The following VPS13B variants were observed in gnomAD, a reference collection of about 807,000 sequenced individuals.
VPS13B encodes the protein intermembrane lipid transfer protein VPS13B.
Under a neutral mutation model 426.4 loss-of-function variants are expected in VPS13B, and 285 were observed. The observed-to-expected ratio is 0.67, with a 90% CI of 0.61 to 0.74. The LOEUF is 0.74. VPS13B is among the 30% of genes least tolerant of loss of function. The pLI is 0.00. For synonymous variants in VPS13B, 1,676 were observed against 1,676.4 expected (o/e 1.00, Z 0.01); for missense variants, 4,537 against 4,782.6 (o/e 0.95, Z 1.51).
At chr8:99,822,166 T>C (rs1362330675) in intron 50 of VPS13B, among the ~76,000 whole-genome samples, 1 of 152,230 alleles carries the variant, frequency 6.6e-6, no homozygotes, top group Admixed American at 6.5e-5. Context: ...ACTTCTAATA[T>C]CATCATTATT....
intron 25 of VPS13B, among the ~76,000 whole-genome samples, chr8:99,492,626 G>T (rs1820675431): frequency 6.6e-6 from 1 of 152,220 alleles, no homozygotes; most frequent in African/African-American, 2.4e-5. Context: ...ATCTCAGACT[G>T]CTGCGCTAGC....
chr8:99,097,427 CA>C (rs1216335843), intron 4 of VPS13B, among the ~76,000 whole-genome samples: 1 of 152,252 alleles, frequency 6.6e-6, no homozygotes, highest in African/African-American at 2.4e-5. Context: ...TAGAGCAGCT[CA>C]TTGAGGGCTA....
intron 30 of VPS13B, among the ~76,000 whole-genome samples, chr8:99,522,161 A>C (rs1004294106): frequency 6.6e-6 from 1 of 152,088 alleles, no homozygotes; most frequent in Non-Finnish European, 1.5e-5. Context: ...ATATCTTTTG[A>C]CTCCCTTAGG....
intron 39 of VPS13B, among the ~76,000 whole-genome samples, chr8:99,723,858 C>T (rs1833227061): frequency 6.6e-6 from 1 of 152,112 alleles, no homozygotes; most frequent in South Asian, 2.1e-4. Flanking sequence ...GTTGTAACTA[C>T]CAGAAGTTAG....
Position 99,635,078 on chromosome 8 carries a change from G to A in VPS13B, c.5221-6733G>A, listed in dbSNP as rs541319787. Reference sequence around the variant, plus strand: ...ATCCCACAAACTTCTAAAGCATAGAGCTAGAAGTATGTTTGCAAATGTTTA... The same window carrying A: ...ATCCCACAAACTTCTAAAGCATAGAACTAGAAGTATGTTTGCAAATGTTTA... On this transcript the variant is annotated intron_variant, in intron 33 of 61. Coordinates refer to ENST00000357162, the MANE Select transcript of VPS13B (RefSeq NM_152564.5). Among the ~76,000 whole-genome samples the A allele has an allele frequency of 8.0e-4, 121 of 151,968 alleles. No homozygotes were observed. In the Middle Eastern group the frequency reaches 0.014, roughly 17 times the overall value.
At chr8:99,395,743 A>G (rs1347199718) in intron 21 of VPS13B, among the ~76,000 whole-genome samples, 3 of 152,212 alleles carry the variant, frequency 2.0e-5, no homozygotes, top group African/African-American at 7.2e-5. Context: ...AGTGAGAACT[A>G]CAAACAGGAG....
intron 39 of VPS13B, among the ~76,000 whole-genome samples, chr8:99,722,696 A>T (rs1588656209): frequency 6.6e-6 from 1 of 151,950 alleles, no homozygotes. Context: ...TTTAGTAGAG[A>T]TGGGGTTTCA....
chr8:99,184,293 C>T (rs1300263168), intron 16 of VPS13B, among the ~76,000 whole-genome samples: 2 of 152,096 alleles, frequency 1.3e-5, no homozygotes, highest in Non-Finnish European at 2.9e-5. Flanking sequence ...TAAGAAACTG[C>T]AATCTGTTTT....
At chr8:99,266,017 C>T (rs915685069) in intron 17 of VPS13B, among the ~76,000 whole-genome samples, 1 of 152,130 alleles carries the variant, frequency 6.6e-6, no homozygotes, top group African/African-American at 2.4e-5. Flanking sequence ...CAGAAGTAAT[C>T]ATATGGTTTG....
At position 99,193,548 on chromosome 8, in the gene VPS13B, A is replaced by G. The variant is rs565571515; in HGVS notation, c.2515+491A>G. 2.6e-5 allele frequency among the ~76,000 whole-genome samples: 4 copies of G among 152,282 alleles called. No individual in the cohort carries two copies. The East Asian group carries it at 7.7e-4, about 29-fold the overall frequency. On this transcript the variant is annotated intron_variant, in intron 17 of 61. Coordinates refer to ENST00000357162, the MANE Select transcript of VPS13B (RefSeq NM_152564.5). ...CTGCTTTCATATCACTATAAGAGAT[A>G]TCTTCATCTTATCACTCAGTTTGCA...
chr8:99,328,872 C>T (rs968995261), intron 19 of VPS13B, among the ~76,000 whole-genome samples: 1 of 151,986 alleles, frequency 6.6e-6, no homozygotes, highest in Non-Finnish European at 1.5e-5. Context: ...CAAGCAGCTA[C>T]GAAAGGAAAA....
At chr8:99,541,244 G>T (rs554703951) in intron 30 of VPS13B, among the ~76,000 whole-genome samples, 2 of 152,016 alleles carry the variant, frequency 1.3e-5, no homozygotes, top group Non-Finnish European at 2.9e-5. Context: ...GAAATATTTG[G>T]TATTTTCTGA....
chr8:99,636,871 T>C (rs964975933), intron 33 of VPS13B, among the ~76,000 whole-genome samples: 3 of 152,056 alleles, frequency 2.0e-5, no homozygotes, highest in Admixed American at 6.6e-5. Flanking sequence ...ATTCAAAACA[T>C]ATGGAACAGA....
intron 36 of VPS13B, among the ~76,000 whole-genome samples, chr8:99,708,038 T>C (rs140543225): frequency 3.5e-4 from 53 of 152,302 alleles, no homozygotes; most frequent in African/African-American, 1.0e-3. Flanking sequence ...TCTTCAGCAG[T>C]TTCCTCGCAT....
intron 33 of VPS13B, among the ~76,000 whole-genome samples, chr8:99,587,442 G>T (rs1177025846): frequency 6.6e-6 from 1 of 151,710 alleles, no homozygotes. Flanking sequence ...CCCACCAACA[G>T]TGTAAAAGTG....
At chr8:99,824,004 G>T in intron 51 of VPS13B, 26 bp downstream of exon 51, 1 of 1,608,194 alleles carries the variant, frequency 6.2e-7, no homozygotes, top group Middle Eastern at 1.7e-4. Context: ...CGATTCTTTT[G>T]TCTAAGTTTT....
intron 22 of VPS13B, among the ~76,000 whole-genome samples, chr8:99,439,077 T>C (rs989865917): frequency 9.9e-5 from 15 of 152,122 alleles, no homozygotes; most frequent in African/African-American, 3.4e-4. Flanking sequence ...TTGTCAAATA[T>C]CCCACAGCTG....
chr8:99,083,077 A>G (rs1363759372), intron 3 of VPS13B, among the ~76,000 whole-genome samples: 5 of 152,116 alleles, frequency 3.3e-5, no homozygotes, highest in African/African-American at 9.7e-5. Flanking sequence ...CATGATATTG[A>G]TTCTTCCTAC....
intron 16 of VPS13B, among the ~76,000 whole-genome samples, chr8:99,183,887 C>G (rs920870624): frequency 1.3e-5 from 2 of 152,122 alleles, no homozygotes; most frequent in Non-Finnish European, 2.9e-5. Flanking sequence ...ATTAGATCCT[C>G]TTTGTTACAG....
Sources: allele counts gnomAD v4.1 joint callset (sites outside exome capture counted in the v4.1 genomes callset), GRCh38; gene constraint gnomAD v4.1.1; transcripts MANE v1.5; gene names NCBI Gene and HGNC (gene_info 2026-07-23, HGNC 2026-07-21).